Variants in STX8 observed in about 807,000 individuals in gnomAD.
STX8 encodes syntaxin 8, also known as syntaxin-8.
A neutral mutation model predicts 37.5 loss-of-function variants in STX8; 23 were observed. That is an observed-to-expected ratio of 0.61 (90% CI 0.44 to 0.87). STX8 has a LOEUF of 0.87. Ranked by LOEUF, STX8 falls within the 40% of genes least tolerant of loss-of-function variation. STX8 has a pLI of 0.00. For missense variants in STX8, 313 were observed against 284.7 expected (o/e 1.10, Z -0.71); for synonymous variants, 115 against 99.1 (o/e 1.16, Z -0.95).
At chr17:9,281,159 C>T (rs546649812) in intron 7 of STX8, among the ~76,000 whole-genome samples, 12 of 152,090 alleles carry the variant, frequency 7.9e-5, no homozygotes, top group Non-Finnish European at 5.9e-5. Context: ...GGGGGCAGAA[C>T]TGGAACAGGA....
chr17:9,309,646 G>A (rs988725456), intron 7 of STX8, among the ~76,000 whole-genome samples: 5 of 152,174 alleles, frequency 3.3e-5, no homozygotes, highest in Non-Finnish European at 5.9e-5. Context: ...CTCCCACTCC[G>A]CTGAATTTTC....
At chr17:9,544,233 T>C (rs2142566381) in intron 4 of STX8, among the ~76,000 whole-genome samples, 1 of 152,258 alleles carries the variant, frequency 6.6e-6, no homozygotes, top group Non-Finnish European at 1.5e-5. Context: ...CTCATTGCCT[T>C]CTGTGATGGT....
chr17:9,364,593 C>T (rs1434816263), intron 7 of STX8, among the ~76,000 whole-genome samples: 4 of 152,020 alleles, frequency 2.6e-5, no homozygotes, highest in South Asian at 4.2e-4. Context: ...GGCAGCGGCG[C>T]GATCTTGGCT....
chr17:9,302,989 TAAA>T (rs34429298), intron 7 of STX8, among the ~76,000 whole-genome samples: 1 of 129,438 alleles, frequency 7.7e-6, no homozygotes. Flanking sequence ...TAATATAGAT[TAAA>T]AAAAAAAAAA....
intron 7 of STX8, among the ~76,000 whole-genome samples, chr17:9,251,085 T>C (rs1597563709): frequency 1.3e-5 from 2 of 152,382 alleles, no homozygotes; most frequent in East Asian, 3.9e-4. Flanking sequence ...CTTTGTGTTC[T>C]TGAGTCCAAG....
intron 2 of STX8, among the ~76,000 whole-genome samples, chr17:9,562,263 G>A (rs139082206): frequency 0.011 from 1,696 of 152,026 alleles, 16 homozygotes; most frequent in Middle Eastern, 0.02. Context: ...AAAATTAGCC[G>A]GGCATGGTGG....
chr17:9,552,780 G>GT (rs1567607789), intron 3 of STX8: 2 of 151,582 alleles, frequency 1.3e-5, no homozygotes, highest in Non-Finnish European at 2.9e-5. Flanking sequence ...AGCCTCCCGA[G>GT]TAGCTGGGAC....
chr17:9,469,073 A>G (rs1336910163), intron 6 of STX8: 1 of 152,178 alleles, frequency 6.6e-6, no homozygotes, highest in African/African-American at 2.4e-5. Context: ...AATTGCTTTC[A>G]TTGTTATCTT....
At chr17:9,573,080 A>ACCCC (rs71135994) in intron 1 of STX8, among the ~76,000 whole-genome samples, 17 of 101,654 alleles carry the variant, frequency 1.7e-4, no homozygotes, top group African/African-American at 4.9e-4. Context: ...CACCCCCAAC[A>ACCCC]CCCCCCCCCA....
intron 6 of STX8, among the ~76,000 whole-genome samples, chr17:9,474,767 T>G (rs1022111196): frequency 4.6e-5 from 7 of 152,162 alleles, no homozygotes; most frequent in African/African-American, 1.7e-4. Context: ...GGTCAGGAGA[T>G]CGAGACCATC....
rs79913381 is a variant in STX8 at position 9,337,860 on chromosome 17, T to A, written c.643+40692A>T. Among the ~76,000 whole-genome samples the A allele has an allele frequency of 2.9e-3, 436 of 152,118 alleles. 5 individuals are homozygous for A. The highest frequency in any genetic ancestry group is 9.9e-3 in the African/African-American group (410 of 41,498). On this transcript the variant is annotated intron_variant, in intron 7 of 7. Coordinates refer to ENST00000306357, the MANE Select transcript of STX8 (RefSeq NM_004853.3). ...ATAAAGGAAAGCCAGGGATGCCAAC[T>A]GTTCAGGGTGGCTGGATCCTAGTCC...
At chr17:9,250,927 T>C (rs528515869) in intron 7 of STX8, among the ~76,000 whole-genome samples, 10 of 152,042 alleles carry the variant, frequency 6.6e-5, no homozygotes, top group Non-Finnish European at 1.2e-4. Context: ...AGCATCTGTG[T>C]ACACCTTGGA....
Position 9,392,857 on chromosome 17 carries a change from G to A in STX8, c.542-14204C>T, listed in dbSNP as rs545667047. Among the ~76,000 whole-genome samples, 20 of 152,304 alleles carry A rather than the reference G, an allele frequency of 1.3e-4. No individual in the cohort carries two copies. The South Asian group carries it at 4.1e-3, about 32-fold the overall frequency. ...TGAATAGAGCCTCAAGGACCTATGG[G>A]ATAATGGGAAAAAGTCAAACATTCA... On this transcript the variant is annotated intron_variant, in intron 6 of 7. Coordinates refer to ENST00000306357, the MANE Select transcript of STX8 (RefSeq NM_004853.3).
chr17:9,497,403 AC>A (rs745933863), intron 5 of STX8, among the ~76,000 whole-genome samples: 5 of 152,212 alleles, frequency 3.3e-5, no homozygotes, highest in Non-Finnish European at 7.4e-5. Flanking sequence ...TCTTTTCCAA[AC>A]ATATTTCAGA....
chr17:9,440,588 G>C (rs554117551), intron 6 of STX8, among the ~76,000 whole-genome samples: 1 of 150,200 alleles, frequency 6.7e-6, no homozygotes, highest in East Asian at 2.0e-4. Context: ...GCAGTGGTGC[G>C]ATCTCGGCTC....
intron 6 of STX8, among the ~76,000 whole-genome samples, chr17:9,394,871 GC>G (rs1335989119): frequency 1.1e-4 from 17 of 150,610 alleles, no homozygotes; most frequent in Non-Finnish European, 1.5e-4. Context: ...TTTGAGACCA[GC>G]CTGGCCTGGC....
At chr17:9,559,553 G>T (rs1219207986) in intron 2 of STX8, among the ~76,000 whole-genome samples, 1 of 150,646 alleles carries the variant, frequency 6.6e-6, no homozygotes, top group African/African-American at 2.4e-5. Flanking sequence ...ACTAAGAATA[G>T]AACACTACTG....
chr17:9,381,498 C>T (rs1011263988), intron 6 of STX8, among the ~76,000 whole-genome samples: 3 of 152,216 alleles, frequency 2.0e-5, no homozygotes, highest in African/African-American at 7.2e-5. Flanking sequence ...GCTCCTGCTT[C>T]TTGCCTCCTG....
chr17:9,307,116 C>T (rs1313362705), intron 7 of STX8, among the ~76,000 whole-genome samples: 4 of 151,894 alleles, frequency 2.6e-5, no homozygotes, highest in East Asian at 1.9e-4. Context: ...AGCAAGACTC[C>T]GTCTCAAAAA....
Sources: gnomAD v4.1 joint callset for allele counts (sites outside exome capture counted in the v4.1 genomes callset) on GRCh38, gnomAD v4.1.1 for gene constraint, MANE v1.5 for transcripts, NCBI Gene and HGNC (gene_info 2026-07-23, HGNC 2026-07-21) for gene names.